MPP7: variants seen among roughly 807,000 people sequenced by gnomAD.
MPP7 encodes MAGUK p55 scaffold protein 7.
In MPP7, 60 loss-of-function variants were observed where a neutral mutation model predicts 76.5. The ratio of observed to expected loss-of-function variants is 0.78; its 90% CI spans 0.64 to 0.97. The LOEUF is 0.97. MPP7 is among the 50% of genes least tolerant of loss of function. MPP7 has a pLI of 0.00. For synonymous variants in MPP7, 237 were observed against 244.5 expected (o/e 0.97, Z 0.29); for missense variants, 641 against 694.0 (o/e 0.92, Z 0.86).
intron 13 of MPP7, among the ~76,000 whole-genome samples, chr10:28,062,575 C>T (rs1851835189): frequency 7.8e-6 from 1 of 128,782 alleles, no homozygotes; most frequent in African/African-American, 3.1e-5. Context: ...CACACACACA[C>T]ACACACCAAA....
intron 12 of MPP7, among the ~76,000 whole-genome samples, chr10:28,072,200 G>A (rs931540331): frequency 1.3e-5 from 2 of 152,132 alleles, no homozygotes; most frequent in African/African-American, 4.8e-5. Context: ...CTTGAACCAG[G>A]GAGGCGGAGG....
intron 2 of MPP7, among the ~76,000 whole-genome samples, chr10:28,233,160 C>T (rs1221536971): frequency 6.6e-6 from 1 of 152,156 alleles, no homozygotes; most frequent in Non-Finnish European, 1.5e-5. Context: ...GGTACACGTA[C>T]ACTGGGACTG....
chr10:28,098,534 A>G (rs1853672882), intron 11 of MPP7, among the ~76,000 whole-genome samples: 1 of 151,692 alleles, frequency 6.6e-6, no homozygotes, highest in Non-Finnish European at 1.5e-5. Context: ...TTATATAATT[A>G]TATAAAATTA....
At chr10:28,234,967 T>G (rs1180730611) in intron 2 of MPP7, among the ~76,000 whole-genome samples, 1 of 152,152 alleles carries the variant, frequency 6.6e-6, no homozygotes, top group African/African-American at 2.4e-5. Flanking sequence ...CATGCCACTA[T>G]GGCCCTAATT....
At chr10:28,094,278 C>A (rs1471299141) in intron 11 of MPP7, among the ~76,000 whole-genome samples, 2 of 151,224 alleles carry the variant, frequency 1.3e-5, no homozygotes, top group African/African-American at 2.5e-5. Context: ...TTTTACAATG[C>A]AAAGGAGCAA....
chr10:28,166,015 A>G (rs1836441796), intron 3 of MPP7, among the ~76,000 whole-genome samples: 2 of 110,700 alleles, frequency 1.8e-5, no homozygotes, highest in Non-Finnish European at 3.7e-5. Flanking sequence ...ATAGAGCAAG[A>G]CTCATCTCAA....
At chr10:28,120,766 C>T in intron 8 of MPP7, 98 bp from the exon 9 acceptor site, 1 of 866,048 alleles carries the variant, frequency 1.2e-6, no homozygotes, top group South Asian at 1.5e-5. Context: ...AATTTACAAG[C>T]TTGGGGCTTC....
intron 3 of MPP7, among the ~76,000 whole-genome samples, chr10:28,186,899 A>T (rs1813189247): frequency 6.6e-6 from 1 of 152,204 alleles, no homozygotes; most frequent in Non-Finnish European, 1.5e-5. Context: ...CCCTACTGGA[A>T]TTCCTATCCT....
chr10:28,278,733 ACTT>A (rs948810474), intron 1 of MPP7, among the ~76,000 whole-genome samples: 3 of 151,980 alleles, frequency 2.0e-5, no homozygotes, highest in Non-Finnish European at 4.4e-5. Flanking sequence ...CATATTAACT[ACTT>A]CTGAGAAGAG....
At chr10:28,242,317 A>T (rs1839297803) in intron 1 of MPP7, among the ~76,000 whole-genome samples, 1 of 152,086 alleles carries the variant, frequency 6.6e-6, no homozygotes, top group African/African-American at 2.4e-5. Context: ...TCAAAACCTA[A>T]TAGAGCAATA....
intron 15 of MPP7, 27 bp downstream of exon 15, chr10:28,058,468 G>T: frequency 7.7e-7 from 1 of 1,297,342 alleles, no homozygotes; most frequent in Non-Finnish European, 1.1e-6. Flanking sequence ...GGTCAGAAGG[G>T]TATTGAATAG....
chr10:28,256,891 T>C (rs1464412686), intron 1 of MPP7, among the ~76,000 whole-genome samples: 2 of 152,178 alleles, frequency 1.3e-5, no homozygotes, highest in Non-Finnish European at 2.9e-5. Flanking sequence ...TCTTCCCCCA[T>C]GCCCAGTACA....
At chr10:28,096,090 T>C (rs1019695425) in intron 11 of MPP7, among the ~76,000 whole-genome samples, 2 of 152,214 alleles carry the variant, frequency 1.3e-5, no homozygotes, top group African/African-American at 4.8e-5. Context: ...TTGGTGAAAG[T>C]TAAAAATTTA....
intron 1 of MPP7, among the ~76,000 whole-genome samples, chr10:28,297,409 A>G (rs996254112): frequency 7.9e-5 from 12 of 152,144 alleles, no homozygotes; most frequent in African/African-American, 2.9e-4. Context: ...AAAATAAGAA[A>G]ACAATAAGGC....
intron 1 of MPP7, among the ~76,000 whole-genome samples, chr10:28,289,568 T>C (rs1840864706): frequency 6.6e-6 from 1 of 152,186 alleles, no homozygotes; most frequent in Non-Finnish European, 1.5e-5. Context: ...GTTTAAGAGA[T>C]GTGTGGCCAA....
chr10:28,176,938 A>G (rs1308662546), intron 3 of MPP7, among the ~76,000 whole-genome samples: 1 of 150,906 alleles, frequency 6.6e-6, no homozygotes, highest in Admixed American at 6.6e-5. Context: ...ATGATGAGTT[A>G]ATGGGTGCAG....
At chr10:28,281,493 G>A (rs1840669747) in intron 1 of MPP7, among the ~76,000 whole-genome samples, 1 of 152,104 alleles carries the variant, frequency 6.6e-6, no homozygotes, top group Non-Finnish European at 1.5e-5. Flanking sequence ...CAGTAACTCA[G>A]AGAGACAAAT....
At chr10:28,132,972 C>T (rs943598518) in intron 5 of MPP7, among the ~76,000 whole-genome samples, 3 of 152,232 alleles carry the variant, frequency 2.0e-5, no homozygotes, top group African/African-American at 7.2e-5. Context: ...GATTGGTAAA[C>T]TACAACATCT....
At position 28,053,715 on chromosome 10, in the gene MPP7, C is replaced by T. The variant is rs1159554481; in HGVS notation, c.*350G>A. The T allele has an allele frequency of 1.5e-5, 3 of 205,334 alleles. No homozygotes were observed. The highest frequency in any genetic ancestry group is 1.8e-3 in the Middle Eastern group (1 of 560). The allele number at this position is 205,334 out of a possible 1,614,324, so 12.7% of individuals were successfully genotyped here. The stretch of plus-strand genomic sequence containing the variant: ...TAACATTCAAACTCGACAGCAGCAG[C>T]CACACCTGAGACCAGCAGAAGCGCT... On this transcript the variant is annotated 3_prime_UTR_variant, in exon 17 of 17. Coordinates refer to ENST00000683449, the MANE Select transcript of MPP7 (RefSeq NM_001318170.2).
Sources: gnomAD v4.1 joint callset for allele counts (sites outside exome capture counted in the v4.1 genomes callset) on GRCh38, gnomAD v4.1.1 for gene constraint, MANE v1.5 for transcripts, NCBI Gene and HGNC (gene_info 2026-07-23, HGNC 2026-07-21) for gene names.